RANBP17: variants seen among roughly 807,000 people sequenced by gnomAD.
RANBP17 encodes ran-binding protein 17.
In RANBP17, 158 loss-of-function variants were observed where a neutral mutation model predicts 141.2. The ratio of observed to expected loss-of-function variants is 1.12; its 90% CI spans 0.98 to 1.28. RANBP17 has a LOEUF of 1.28. Among genes scored for constraint, RANBP17 ranks in the 50% most tolerant of loss-of-function variants. RANBP17 has a pLI of 0.00. For synonymous variants in RANBP17, 430 were observed against 450.0 expected, an observed-to-expected ratio of 0.96 and a Z score of 0.56; for missense variants, 1,438 against 1,290.7, an observed-to-expected ratio of 1.11 and a Z score of -1.75.
Position 171,213,747 on chromosome 5 carries a change from T to C in RANBP17, c.2339+9T>C. The C allele has an allele frequency of 6.3e-7, 1 of 1,577,304 alleles. No individual in the cohort carries two copies. The highest frequency in any genetic ancestry group is 8.7e-7 in the Non-Finnish European group (1 of 1,146,714). On this transcript the variant is annotated intron_variant, in intron 21 of 27. Transcript: ENST00000523189. ...GAACTTATGCAAAACAGGTAAGCAG[T>C]GTGACAGGCAGTGAGAAAAACAGTC...
intron 5 of RANBP17, among the ~76,000 whole-genome samples, chr5:170,900,517 T>C (rs1275015599): frequency 6.6e-6 from 1 of 152,128 alleles, no homozygotes; most frequent in East Asian, 1.9e-4. Flanking sequence ...TCTCCTTCAG[T>C]TCTGCTCTGA....
At chr5:171,274,728 A>C (rs1295598618) in intron 25 of RANBP17, among the ~76,000 whole-genome samples, 2 of 152,162 alleles carry the variant, frequency 1.3e-5, no homozygotes, top group Admixed American at 6.5e-5. Flanking sequence ...TTGCAAAGTA[A>C]ACCCCCAAAA....
At chr5:170,904,893 G>A (rs1374187309) in intron 5 of RANBP17, among the ~76,000 whole-genome samples, 1 of 152,048 alleles carries the variant, frequency 6.6e-6, no homozygotes. Flanking sequence ...AAATATTTCT[G>A]TGTAATACCA....
intron 14 of RANBP17, among the ~76,000 whole-genome samples, chr5:171,049,317 C>T (rs1782801765): frequency 6.6e-6 from 1 of 151,450 alleles, no homozygotes; most frequent in African/African-American, 2.4e-5. Flanking sequence ...GCCCACTTTT[C>T]AGTGAGGTTC....
chr5:171,169,639 A>T (rs1759956554), intron 14 of RANBP17, among the ~76,000 whole-genome samples: 1 of 152,118 alleles, frequency 6.6e-6, no homozygotes, highest in South Asian at 2.1e-4. Context: ...ATATTTGAGG[A>T]GAATTTCTAT....
rs1234358773 is a variant in RANBP17, at chr5:170,921,668, T to TTA, written c.1274+2056_1274+2057dup. 1.4e-4 allele frequency among the ~76,000 whole-genome samples: 22 copies of TTA among 152,198 alleles called. 1 individual carries two copies. Among genetic ancestry groups the TTA allele is most frequent in the Admixed American group, 1.4e-3 (22 of 15,278 alleles). ...ATGGGGATAGCATTGAATCTATAAA[T>TTA]TACCTTGGGCAGTATGGCCATTTTC... On this transcript the variant is annotated intron_variant, in intron 11 of 27. Coordinates refer to ENST00000523189, the MANE Select transcript of RANBP17 (RefSeq NM_022897.5).
chr5:171,153,376 T>G (rs1758624215), intron 14 of RANBP17, among the ~76,000 whole-genome samples: 1 of 152,232 alleles, frequency 6.6e-6, no homozygotes, highest in African/African-American at 2.4e-5. Flanking sequence ...CTCTTTTTTT[T>G]GTTTCATTTA....
chr5:171,170,146 C>G lies in RANBP17; in HGVS notation c.1727C>G (p.Ser576Ter), dbSNP rs1289468054. The G allele has an allele frequency of 1.9e-6, 3 of 1,579,532 alleles. No homozygotes were observed. Among genetic ancestry groups the G allele is most frequent in the African/African-American group, 2.7e-5 (2 of 73,484 alleles). Residue 576 changes from serine (S) to a stop codon, truncating the protein, a stop_gained, in exon 15 of 28, where the codon TCA (serine) becomes TGA (stop). Transcript: ENST00000523189. LOFTEE classifies it high-confidence loss of function. Reference protein sequence around the residue: ...QRTSKVYARMSEVLGITDDNH... With the variant: ...QRTSKVYARM ...TTAATGCAGGTATATGCTCGTATGT[C>G]AGAAGTCTTAGGAATAACAGATGAC... is the stretch of plus-strand genomic sequence containing the variant.
chr5:171,237,086 C>G (rs995202419), intron 22 of RANBP17, among the ~76,000 whole-genome samples: 1 of 152,054 alleles, frequency 6.6e-6, no homozygotes, highest in Admixed American at 6.6e-5. Context: ...AAAAAATACA[C>G]CTGAGAGTCG....
chr5:171,114,196 A>G (rs1484914357), intron 14 of RANBP17, among the ~76,000 whole-genome samples: 2 of 152,132 alleles, frequency 1.3e-5, no homozygotes, highest in Non-Finnish European at 2.9e-5. Flanking sequence ...GAGAACTGCT[A>G]CTCTACAGTG....
At chr5:171,293,127 C>T (rs1768603054) in intron 25 of RANBP17, among the ~76,000 whole-genome samples, 1 of 152,192 alleles carries the variant, frequency 6.6e-6, no homozygotes, top group African/African-American at 2.4e-5. Flanking sequence ...CCTGACTTCT[C>T]CTCAAGGACC....
At chr5:171,152,262 AG>A (rs1165103044) in intron 14 of RANBP17, among the ~76,000 whole-genome samples, 1 of 151,410 alleles carries the variant, frequency 6.6e-6, no homozygotes, top group Non-Finnish European at 1.5e-5. Flanking sequence ...AAAAAAAAAA[AG>A]TAAAAAATTA....
intron 14 of RANBP17, among the ~76,000 whole-genome samples, chr5:171,008,138 G>A (rs539062280): frequency 3.9e-5 from 6 of 152,332 alleles, no homozygotes; most frequent in African/African-American, 4.8e-5. Context: ...ATCTGTGACC[G>A]GTGCCGGAGT....
chr5:171,280,383 TC>T (rs1485109111), intron 25 of RANBP17, among the ~76,000 whole-genome samples: 1 of 152,136 alleles, frequency 6.6e-6, no homozygotes, highest in Non-Finnish European at 1.5e-5. Flanking sequence ...GCTCAAACGA[TC>T]CTCTCACCTC....
At chr5:171,160,205 A>G (rs1759240449) in intron 14 of RANBP17, among the ~76,000 whole-genome samples, 3 of 152,068 alleles carry the variant, frequency 2.0e-5, no homozygotes, top group South Asian at 2.1e-4. Context: ...CTTTTTTTCT[A>G]TCACTTTTCT....
intron 12 of RANBP17, among the ~76,000 whole-genome samples, chr5:170,930,170 T>A (rs1323757039): frequency 6.6e-6 from 1 of 151,976 alleles, no homozygotes; most frequent in Non-Finnish European, 1.5e-5. Context: ...TTTTTCGCCT[T>A]TATTATTTTC....
rs186526295 is a variant in RANBP17 at position 171,061,581 on chromosome 5, A to G, written c.1710+93204A>G. Among the ~76,000 whole-genome samples, 125 of 152,278 alleles carry G rather than the reference A, an allele frequency of 8.2e-4. 3 individuals carry two copies. In the East Asian group the frequency reaches 0.016, roughly 20 times the overall value. ...TTTGCTGAGGAGAGCTTTACTTCCA[A>G]CTATGTGGTGAATTTTGGAATAGGT... On this transcript the variant is annotated intron_variant, in intron 14 of 27. Transcript: ENST00000523189.
chr5:171,069,725 C>G (rs1020508530), intron 14 of RANBP17, among the ~76,000 whole-genome samples: 1 of 152,086 alleles, frequency 6.6e-6, no homozygotes, highest in Non-Finnish European at 1.5e-5. Context: ...TTAAGGTAGG[C>G]TAGGCTAAGC....
At chr5:171,286,169 TG>T (rs1290616848) in intron 25 of RANBP17, among the ~76,000 whole-genome samples, 1 of 152,046 alleles carries the variant, frequency 6.6e-6, no homozygotes, top group Non-Finnish European at 1.5e-5. Context: ...GATGGCAGAG[TG>T]GGGGATGCTT....
Sources: gnomAD v4.1 joint callset for allele counts (sites outside exome capture counted in the v4.1 genomes callset) on GRCh38, gnomAD v4.1.1 for gene constraint, MANE v1.5 for transcripts, NCBI Gene and HGNC (gene_info 2026-07-23, HGNC 2026-07-21) for gene names.